AUTS2: variants seen among roughly 807,000 people sequenced by gnomAD.
The protein encoded by AUTS2 is autism susceptibility gene 2 protein.
Under a neutral mutation model 112.4 loss-of-function variants are expected in AUTS2, and 17 were observed. That is an observed-to-expected ratio of 0.15 (90% confidence interval 0.10 to 0.23). The LOEUF (loss-of-function observed/expected upper bound fraction) is 0.23. Ranked by LOEUF, AUTS2 falls within the 10% of genes least tolerant of loss-of-function variation. The pLI is 1.00. For missense variants in AUTS2, 1,510 were observed against 1,701.6 expected, an observed-to-expected ratio of 0.89 and a Z score of 1.98; for synonymous variants, 751 against 702.7, an observed-to-expected ratio of 1.07 and a Z score of -1.09.
intron 1 of AUTS2, among the ~76,000 whole-genome samples, chr7:69,861,552 A>G (rs539559437): frequency 1.3e-5 from 2 of 152,274 alleles, no homozygotes; most frequent in Admixed American, 6.5e-5. Flanking sequence ...CAAGGAGATA[A>G]AAGGCTTGCA....
At chr7:70,620,264 T>A (rs1461536511) in intron 5 of AUTS2, among the ~76,000 whole-genome samples, 2 of 152,200 alleles carry the variant, frequency 1.3e-5, no homozygotes, top group African/African-American at 2.4e-5. Flanking sequence ...TTACATTGTT[T>A]AGAGTCAGTC....
intron 4 of AUTS2, among the ~76,000 whole-genome samples, chr7:70,346,150 G>T (rs575637696): frequency 1.3e-5 from 2 of 152,222 alleles, no homozygotes; most frequent in South Asian, 4.1e-4. Context: ...ATGTCAGGTG[G>T]TAGAGCTACA....
intron 16 of AUTS2, chr7:70,785,319 A>G: frequency 1.7e-6 from 1 of 593,432 alleles, no homozygotes; most frequent in Non-Finnish European, 3.2e-6. Flanking sequence ...CCGAGTTTAC[A>G]ACAGCCTGTT....
intron 2 of AUTS2, among the ~76,000 whole-genome samples, chr7:69,943,185 A>G (rs927609301): frequency 3.3e-5 from 5 of 152,238 alleles, no homozygotes; most frequent in Non-Finnish European, 7.3e-5. Flanking sequence ...ATGTTGGGGA[A>G]GTTTCCCTAT....
chr7:70,031,033 T>TAAGA (rs1007948820), intron 2 of AUTS2, among the ~76,000 whole-genome samples: 1 of 152,122 alleles, frequency 6.6e-6, no homozygotes, highest in Non-Finnish European at 1.5e-5. Flanking sequence ...TGAAAGATTT[T>TAAGA]AAGAAAGAAA....
intron 5 of AUTS2, among the ~76,000 whole-genome samples, chr7:70,611,734 G>A (rs1804103571): frequency 6.6e-6 from 1 of 152,212 alleles, no homozygotes; most frequent in East Asian, 1.9e-4. Context: ...CTGTGGAAAG[G>A]TATGAAGCAC....
At chr7:70,777,280 C>A (rs1284951103) in intron 14 of AUTS2, 106 bp downstream of exon 14, 3 of 1,003,606 alleles carry the variant, frequency 3.0e-6, no homozygotes, top group South Asian at 1.4e-5. Context: ...ATTTTACAGA[C>A]CCATAGTTAG....
chr7:70,108,941 C>A (rs1412952730), intron 2 of AUTS2, among the ~76,000 whole-genome samples: 1 of 152,098 alleles, frequency 6.6e-6, no homozygotes, highest in East Asian at 1.9e-4. Context: ...TCAGTGGGAA[C>A]CCCTTCAGTT....
intron 1 of AUTS2, among the ~76,000 whole-genome samples, chr7:69,788,768 A>G (rs1789486714): frequency 6.8e-6 from 1 of 146,226 alleles, no homozygotes; most frequent in African/African-American, 2.7e-5. Context: ...TTGAAGCAAA[A>G]TTAAAAAAAA....
At chr7:70,362,858 C>T (rs921343191) in intron 4 of AUTS2, among the ~76,000 whole-genome samples, 2 of 152,110 alleles carry the variant, frequency 1.3e-5, no homozygotes, top group Admixed American at 6.5e-5. Context: ...CCTGGAGATA[C>T]GTAAGCTACA....
intron 1 of AUTS2, among the ~76,000 whole-genome samples, chr7:69,768,321 G>C (rs1444373239): frequency 6.6e-6 from 1 of 152,128 alleles, no homozygotes; most frequent in Admixed American, 6.5e-5. Flanking sequence ...TAGGTACTTT[G>C]TAATTAAGCA....
At chr7:70,227,080 A>T (rs1423810515) in intron 4 of AUTS2, among the ~76,000 whole-genome samples, 1 of 152,178 alleles carries the variant, frequency 6.6e-6, no homozygotes. Context: ...AATTAGTTAC[A>T]TTCTTACCTT....
chr7:70,374,753 A>G (rs908367096), intron 4 of AUTS2, among the ~76,000 whole-genome samples: 5 of 152,222 alleles, frequency 3.3e-5, no homozygotes, highest in Non-Finnish European at 5.9e-5. Flanking sequence ...CACTTACAGT[A>G]ACTAAGTCCT....
intron 1 of AUTS2, among the ~76,000 whole-genome samples, chr7:69,657,600 G>C (rs972726393): frequency 6.6e-6 from 1 of 152,174 alleles, no homozygotes; most frequent in Admixed American, 6.5e-5. Context: ...ACACACCCAG[G>C]TGCGTTCTGA....
chr7:70,384,655 C>T (rs1793527390), intron 4 of AUTS2, among the ~76,000 whole-genome samples: 1 of 152,160 alleles, frequency 6.6e-6, no homozygotes, highest in South Asian at 2.1e-4. Flanking sequence ...TGCCTTGTTG[C>T]TCTGGACTGC....
In AUTS2 at chr7:70,769,816, G is replaced by A. The variant is rs552148928; in HGVS notation, c.1735-1733G>A. 2.0e-5 allele frequency among the ~76,000 whole-genome samples: 3 copies of A among 152,256 alleles called. No individual in the cohort carries two copies. In the East Asian group the frequency reaches 5.8e-4, roughly 29 times the overall value. On this transcript the variant is annotated intron_variant, in intron 10 of 18. Coordinates refer to ENST00000342771, the MANE Select transcript of AUTS2 (RefSeq NM_015570.4). ...TAGGCCAAAGATGGAGAATAAGCCT[G>A]GAGGCCTGAATTTTTGGAAGGTGTA...
At chr7:70,521,600 A>T (rs1415245714) in intron 5 of AUTS2, among the ~76,000 whole-genome samples, 1 of 152,126 alleles carries the variant, frequency 6.6e-6, no homozygotes, top group Non-Finnish European at 1.5e-5. Context: ...ACACTTTCAT[A>T]TTTCTTACTA....
intron 1 of AUTS2, among the ~76,000 whole-genome samples, chr7:69,894,709 AAT>A (rs985890503): frequency 1.3e-5 from 2 of 152,084 alleles, no homozygotes; most frequent in African/African-American, 4.8e-5. Context: ...TTCTGGTGAT[AAT>A]GTTTCTTTTC....
chr7:69,821,931 A>C (rs2129526406), intron 1 of AUTS2, among the ~76,000 whole-genome samples: 1 of 152,104 alleles, frequency 6.6e-6, no homozygotes, highest in African/African-American at 2.4e-5. Context: ...AAAAAAAAAA[A>C]AAAAAAGTCT....
Sources: gnomAD v4.1 joint callset for allele counts (sites outside exome capture counted in the v4.1 genomes callset) on GRCh38, gnomAD v4.1.1 for gene constraint, MANE v1.5 for transcripts, NCBI Gene and HGNC (gene_info 2026-07-23, HGNC 2026-07-21) for gene names.